The following PDE10A variants were observed in gnomAD, a reference collection of about 807,000 sequenced individuals.
PDE10A encodes the protein cAMP and cAMP-inhibited cGMP 3',5'-cyclic phosphodiesterase 10A.
A neutral mutation model predicts 97.7 loss-of-function variants in PDE10A; 39 were observed. The observed-to-expected ratio is 0.40, with a 90% CI of 0.31 to 0.52. The LOEUF (loss-of-function observed/expected upper bound fraction) is 0.52. Among genes scored for constraint, PDE10A ranks in the 20% least tolerant of loss-of-function variants. The probability of loss-of-function intolerance (pLI) is 0.56; values close to 1 mark genes in which losing one functional copy is unlikely to be tolerated. For synonymous variants in PDE10A, 371 were observed against 376.8 expected, an observed-to-expected ratio of 0.98 and a Z score of 0.18; for missense variants, 731 against 1,047.8, an observed-to-expected ratio of 0.70 and a Z score of 4.17.
intron 1 of PDE10A, among the ~76,000 whole-genome samples, chr6:165,608,352 C>T (rs1394068302): frequency 1.3e-5 from 2 of 148,658 alleles, no homozygotes; most frequent in South Asian, 2.1e-4. Context: ...TGAGTGAGAA[C>T]ATGCGGTGTT....
At chr6:165,352,584 A>T (rs1782760210) in intron 18 of PDE10A, among the ~76,000 whole-genome samples, 1 of 152,222 alleles carries the variant, frequency 6.6e-6, no homozygotes, top group African/African-American at 2.4e-5. Context: ...ATAAACAACA[A>T]GCATTTTAAA....
At chr6:165,608,072 A>ATGTATATATGTATATATATG (rs546599351) in intron 1 of PDE10A, among the ~76,000 whole-genome samples, 1 of 148,004 alleles carries the variant, frequency 6.8e-6, no homozygotes, top group Non-Finnish European at 1.5e-5. Context: ...GTATATATAT[A>ATGTATATATGTATATATATG]TGTATATATG....
At chr6:165,509,600 T>C (rs1003387868) in intron 2 of PDE10A, among the ~76,000 whole-genome samples, 2 of 150,516 alleles carry the variant, frequency 1.3e-5, no homozygotes, top group Admixed American at 6.6e-5. Flanking sequence ...TTTTTTTTTA[T>C]TTTTGTGAAA....
intron 1 of PDE10A, among the ~76,000 whole-genome samples, chr6:165,698,583 A>G (rs936769668): frequency 3.3e-5 from 5 of 152,204 alleles, no homozygotes; most frequent in African/African-American, 1.2e-4. Context: ...GATGTGGTAG[A>G]TCATGCCTGT....
At chr6:165,644,770 G>A (rs886134270) in intron 1 of PDE10A, among the ~76,000 whole-genome samples, 9 of 152,212 alleles carry the variant, frequency 5.9e-5, no homozygotes, top group Admixed American at 1.3e-4. Flanking sequence ...CAGATGGCAC[G>A]TGTTTCAGAC....
intron 3 of PDE10A, among the ~76,000 whole-genome samples, chr6:165,464,972 T>C (rs1439897962): frequency 1.3e-5 from 2 of 152,236 alleles, no homozygotes; most frequent in African/African-American, 4.8e-5. Context: ...CTATGAACAT[T>C]CTTATGGAAG....
rs766562322 is a variant in PDE10A, at chr6:165,543,426, A to G, written c.994+14T>C. ...AAAAAGCTGGTTTAAAATGAGATCC[A>G]CAAGAGACCTTACCTTCTGATTTGT... On this transcript the variant is annotated intron_variant, in intron 2 of 21. Transcript: ENST00000539869. The G allele has an allele frequency of 3.8e-5, 61 of 1,606,276 alleles. No homozygotes were observed. Among genetic ancestry groups the G allele is most frequent in the South Asian group, 2.9e-4 (26 of 89,546 alleles).
chr6:165,707,025 A>G (rs753027763), intron 1 of PDE10A, among the ~76,000 whole-genome samples: 18 of 152,240 alleles, frequency 1.2e-4, no homozygotes, highest in Non-Finnish European at 2.4e-4. Flanking sequence ...TACAAAAATT[A>G]TAATCCAAAA....
chr6:165,894,279 C>A (rs76369271), intron 1 of PDE10A: 3 of 455,852 alleles, frequency 6.6e-6, no homozygotes, highest in Non-Finnish European at 4.4e-6. Flanking sequence ...TGGTGAAGCC[C>A]GAGAAGATGT....
chr6:165,541,938 A>C (rs1209537931), intron 2 of PDE10A, among the ~76,000 whole-genome samples: 1 of 152,214 alleles, frequency 6.6e-6, no homozygotes, highest in Non-Finnish European at 1.5e-5. Context: ...ACTATAAAAA[A>C]TGCAAAACAA....
At chr6:165,771,814 A>G (rs1263656738) in intron 1 of PDE10A, among the ~76,000 whole-genome samples, 1 of 152,220 alleles carries the variant, frequency 6.6e-6, no homozygotes, top group African/African-American at 2.4e-5. Flanking sequence ...AACCACAGCG[A>G]CATTTTGGAT....
intron 1 of PDE10A, among the ~76,000 whole-genome samples, chr6:165,751,256 C>A (rs1001152398): frequency 1.1e-4 from 17 of 152,208 alleles, no homozygotes; most frequent in African/African-American, 4.1e-4. Flanking sequence ...ATGAGGCACC[C>A]CTACATCTTC....
intron 1 of PDE10A, among the ~76,000 whole-genome samples, chr6:165,620,322 T>A (rs1443611780): frequency 6.6e-6 from 1 of 151,472 alleles, no homozygotes; most frequent in Non-Finnish European, 1.5e-5. Flanking sequence ...CATGAGAAGG[T>A]GATGATGGGG....
Position 165,920,575 on chromosome 6 carries a change from C to T in PDE10A, c.-615+66954G>A, listed in dbSNP as rs1488600231. 2.6e-5 allele frequency among the ~76,000 whole-genome samples: 4 copies of T among 151,626 alleles called. No homozygotes were observed. In the East Asian group the frequency reaches 7.7e-4, roughly 29 times the overall value. On this transcript the variant is annotated intron_variant, in intron 1 of 19. Transcript: ENST00000366882. ...ACACACACACACACACACACTTACA[C>T]ATACCTGCTTACTATACATTTCAGG...
chr6:165,864,127 T>A (rs1229353372), intron 1 of PDE10A, among the ~76,000 whole-genome samples: 1 of 152,148 alleles, frequency 6.6e-6, no homozygotes, highest in African/African-American at 2.4e-5. Context: ...AAATCTATGC[T>A]TCGCTGTTCT....
intron 1 of PDE10A, among the ~76,000 whole-genome samples, chr6:165,858,969 C>T (rs572592388): frequency 1.3e-5 from 2 of 152,316 alleles, no homozygotes; most frequent in Admixed American, 6.5e-5. Flanking sequence ...AACAAGCAAA[C>T]TACAGCTGAT....
At chr6:165,897,081 A>G (rs1174034626) in intron 1 of PDE10A, among the ~76,000 whole-genome samples, 1 of 152,120 alleles carries the variant, frequency 6.6e-6, no homozygotes, top group Non-Finnish European at 1.5e-5. Flanking sequence ...GGGCAAAAAT[A>G]TGGGCAATTC....
chr6:165,384,032 T>C (rs1009994475), intron 17 of PDE10A, among the ~76,000 whole-genome samples: 1 of 152,048 alleles, frequency 6.6e-6, no homozygotes, highest in Non-Finnish European at 1.5e-5. Context: ...GGGCCACTCA[T>C]GAAAGACTTG....
chr6:165,845,637 T>TTAAGCA (rs1440968780), intron 1 of PDE10A, among the ~76,000 whole-genome samples: 1 of 152,228 alleles, frequency 6.6e-6, no homozygotes, highest in African/African-American at 2.4e-5. Flanking sequence ...TGTTTCTCCT[T>TTAAGCA]TAAGCATAAA....
Sources: gnomAD v4.1 joint callset for allele counts (sites outside exome capture counted in the v4.1 genomes callset) on GRCh38, gnomAD v4.1.1 for gene constraint, MANE v1.5 for transcripts, NCBI Gene and HGNC (gene_info 2026-07-23, HGNC 2026-07-21) for gene names.